Variants in ITPR2 observed in about 807,000 individuals in gnomAD.
ITPR2 encodes inositol 1,4,5-trisphosphate receptor type 2.
A neutral mutation model predicts 317.1 loss-of-function variants in ITPR2; 207 were observed. The observed-to-expected ratio is 0.65, with a 90% CI of 0.58 to 0.73. The LOEUF (loss-of-function observed/expected upper bound fraction) is 0.73. Ranked by LOEUF, ITPR2 falls within the 30% of genes least tolerant of loss-of-function variation. The probability of loss-of-function intolerance (pLI) is 0.00; values close to 1 mark genes in which losing one functional copy is unlikely to be tolerated. For synonymous variants in ITPR2, 1,156 were observed against 1,149.1 expected, an observed-to-expected ratio of 1.01 and a Z score of -0.12; for missense variants, 2,613 against 3,284.0, an observed-to-expected ratio of 0.80 and a Z score of 4.99.
chr12:26,782,882 T>G (rs1350957647), intron 2 of ITPR2, among the ~76,000 whole-genome samples: 1 of 152,244 alleles, frequency 6.6e-6, no homozygotes, highest in Non-Finnish European at 1.5e-5. Flanking sequence ...ATAGCAATTG[T>G]TAAGCGGGTG....
intron 35 of ITPR2, among the ~76,000 whole-genome samples, chr12:26,560,985 G>T (rs1435185463): frequency 1.3e-5 from 2 of 152,210 alleles, no homozygotes; most frequent in Non-Finnish European, 2.9e-5. Flanking sequence ...AATTTCATAT[G>T]TTGAAGGCCT....
rs868565908 is a variant in ITPR2 at position 26,672,503 on chromosome 12, G to A, written c.1410-6452C>T. 8.9e-4 allele frequency among the ~76,000 whole-genome samples: 135 copies of A among 150,882 alleles called. 1 individual carries two copies. Among genetic ancestry groups the A allele is most frequent in the South Asian group, 7.4e-3 (35 of 4,716 alleles). ...AATAAAGATGTTCTTTGAAACCAAC[G>A]AGAACAAAGACACAACATACCAGAA... On this transcript the variant is annotated intron_variant, in intron 13 of 56. Coordinates refer to ENST00000381340, the MANE Select transcript of ITPR2 (RefSeq NM_002223.4).
At chr12:26,601,607 T>C (rs901661703) in intron 28 of ITPR2, among the ~76,000 whole-genome samples, 1 of 152,172 alleles carries the variant, frequency 6.6e-6, no homozygotes, top group Non-Finnish European at 1.5e-5. Context: ...TAGAACCCTT[T>C]ATAACCTATT....
Position 26,340,157 on chromosome 12 carries a change from A to G in ITPR2, c.8019+10T>C. On this transcript the variant is annotated intron_variant, in intron 56 of 56. Transcript: ENST00000381340. ...ATCCCACCCAGCCCCATCTCCCTGA[A>G]TGCACCCACCTGCTCCTTGAGCTCC... 6.3e-7 allele frequency: 1 copy of G among 1,591,740 alleles called. No individual in the cohort carries two copies. The highest frequency in any genetic ancestry group is 1.2e-5 in the South Asian group (1 of 86,872).
At chr12:26,742,434 A>G (rs1949247347) in intron 2 of ITPR2, among the ~76,000 whole-genome samples, 1 of 152,222 alleles carries the variant, frequency 6.6e-6, no homozygotes, top group South Asian at 2.1e-4. Flanking sequence ...ATAGTCAAAA[A>G]AGAGAAAAAC....
intron 37 of ITPR2, among the ~76,000 whole-genome samples, chr12:26,533,860 A>C (rs1290758883): frequency 6.6e-6 from 1 of 152,168 alleles, no homozygotes; most frequent in African/African-American, 2.4e-5. Context: ...AAGCCACTCG[A>C]TCTGTGGGAC....
chr12:26,546,509 C>T (rs538909095), intron 37 of ITPR2, among the ~76,000 whole-genome samples: 1 of 152,128 alleles, frequency 6.6e-6, no homozygotes, highest in Non-Finnish European at 1.5e-5. Context: ...GCAGCATCCA[C>T]GTTGCTGCAA....
intron 49 of ITPR2, among the ~76,000 whole-genome samples, chr12:26,424,653 G>A (rs1698299): frequency 4.5e-4 from 59 of 132,268 alleles, no homozygotes; most frequent in South Asian, 3.1e-3. Context: ...GCAGTGGCAC[G>A]ATCTCGGCTC....
At chr12:26,548,544 C>T (rs1488583730) in intron 37 of ITPR2, among the ~76,000 whole-genome samples, 1 of 152,208 alleles carries the variant, frequency 6.6e-6, no homozygotes, top group Non-Finnish European at 1.5e-5. Context: ...CCCCAGTTCC[C>T]AGGCACAATA....
At chr12:26,567,968 AT>A (rs1419941037) in intron 34 of ITPR2, among the ~76,000 whole-genome samples, 288 of 21,376 alleles carry the variant, frequency 0.013, 18 homozygotes, top group African/African-American at 0.046. Flanking sequence ...ATATATATAT[AT>A]TATATATATT....
intron 54 of ITPR2, among the ~76,000 whole-genome samples, chr12:26,391,555 C>CTTTTTTATTTTTTTTTTTT (rs1491173931): frequency 1.4e-5 from 1 of 70,854 alleles, no homozygotes; most frequent in Admixed American, 2.0e-4. Flanking sequence ...TTCTTCTTTT[C>CTTTTTTATTTTTTTTTTTT]CTTTTTTTTT....
chr12:26,751,430 A>T (rs958562246), intron 2 of ITPR2, among the ~76,000 whole-genome samples: 2 of 152,214 alleles, frequency 1.3e-5, no homozygotes, highest in African/African-American at 2.4e-5. Context: ...ATCTCAAACT[A>T]CTAGAACCAG....
At chr12:26,572,422 C>T in intron 34 of ITPR2, among the ~76,000 whole-genome samples, 1 of 152,182 alleles carries the variant, frequency 6.6e-6, no homozygotes, top group Non-Finnish European at 1.5e-5. Flanking sequence ...TTTTTTAACC[C>T]TTTAAGGAAG....
intron 34 of ITPR2, among the ~76,000 whole-genome samples, chr12:26,568,950 C>T (rs570229695): frequency 5.3e-5 from 8 of 152,118 alleles, no homozygotes; most frequent in Non-Finnish European, 1.2e-4. Flanking sequence ...TTGAATAATG[C>T]ACGTAATTTT....
intron 55 of ITPR2, among the ~76,000 whole-genome samples, chr12:26,349,691 A>G (rs1012407454): frequency 3.2e-4 from 48 of 152,270 alleles, no homozygotes; most frequent in African/African-American, 1.1e-3. Flanking sequence ...AGAGACGTGC[A>G]TGGCACCCAG....
chr12:26,610,651 A>T (rs1946241364), intron 26 of ITPR2, among the ~76,000 whole-genome samples: 1 of 152,210 alleles, frequency 6.6e-6, no homozygotes, highest in African/African-American at 2.4e-5. Flanking sequence ...GTCAACCAAA[A>T]AACTCAATAA....
At chr12:26,499,836 T>C (rs1345764502) in intron 37 of ITPR2, among the ~76,000 whole-genome samples, 1 of 152,212 alleles carries the variant, frequency 6.6e-6, no homozygotes, top group African/African-American at 2.4e-5. Context: ...ATATACTTAT[T>C]AGCTAACATG....
chr12:26,548,022 C>T (rs1944430753), intron 37 of ITPR2, among the ~76,000 whole-genome samples: 1 of 152,160 alleles, frequency 6.6e-6, no homozygotes, highest in African/African-American at 2.4e-5. Context: ...GCTGTGTAAC[C>T]TCAGTCAAAT....
intron 14 of ITPR2, among the ~76,000 whole-genome samples, chr12:26,664,960 ATTT>A (rs1947590103): frequency 1.3e-5 from 2 of 152,302 alleles, no homozygotes; most frequent in South Asian, 4.1e-4. Flanking sequence ...CAAGAACATG[ATTT>A]TTATGTTTTA....
Sources: gnomAD v4.1 joint callset for allele counts (sites outside exome capture counted in the v4.1 genomes callset) on GRCh38, gnomAD v4.1.1 for gene constraint, MANE v1.5 for transcripts, NCBI Gene and HGNC (gene_info 2026-07-23, HGNC 2026-07-21) for gene names.